Variants in LRRFIP1 observed in about 807,000 individuals in gnomAD.
The protein encoded by LRRFIP1 is LRR binding FLII interacting protein 1.
In LRRFIP1, 62 loss-of-function variants were observed where a neutral mutation model predicts 104.4. The observed-to-expected ratio is 0.59, with a 90% CI of 0.48 to 0.73. The LOEUF (loss-of-function observed/expected upper bound fraction) is 0.73, where lower values mean the gene tolerates loss of function less well. Among genes scored for constraint, LRRFIP1 ranks in the 30% least tolerant of loss-of-function variants. The pLI, the probability that LRRFIP1 is intolerant of heterozygous loss-of-function variation, is 0.00. For synonymous variants in LRRFIP1, 300 were observed against 299.0 expected, an observed-to-expected ratio of 1.00 and a Z score of -0.03; for missense variants, 796 against 824.5, an observed-to-expected ratio of 0.97 and a Z score of 0.42.
intron 11 of LRRFIP1, among the ~76,000 whole-genome samples, chr2:237,743,695 G>T (rs578071472): frequency 2.0e-5 from 3 of 151,692 alleles, no homozygotes; most frequent in Non-Finnish European, 2.9e-5. Flanking sequence ...CTCATGGGAC[G>T]CACAGACAGG....
At position 237,712,702 on chromosome 2, in the gene LRRFIP1, CAG is replaced by C. The variant is rs3835814; in HGVS notation, c.184-1554_184-1553del. Among the ~76,000 whole-genome samples, 429 of 152,248 alleles carry C rather than the reference CAG, an allele frequency of 2.8e-3. 9 individuals carry two copies. In the East Asian group the frequency reaches 0.047, roughly 17 times the overall value. On this transcript the variant is annotated intron_variant, in intron 2 of 23. Coordinates refer to ENST00000308482, the MANE Select transcript of LRRFIP1 (RefSeq NM_001137550.2). ...ACACGTGAGCATCTGTGTATGCATC[CAG>C]AGGGAAGAGTGAGTCGAGCTAGTGG... is the stretch of plus-strand genomic sequence containing the variant.
intron 1 of LRRFIP1, among the ~76,000 whole-genome samples, chr2:237,683,759 G>C (rs752833371): frequency 6.6e-6 from 1 of 152,168 alleles, no homozygotes; most frequent in Non-Finnish European, 1.5e-5. Context: ...TAGGATTTCT[G>C]TACCTTCAGC....
At chr2:237,762,474 A>G (rs734388) in intron 19 of LRRFIP1, 215,426 of 784,882 alleles carry the variant, frequency 0.27, 32,107 homozygotes, top group East Asian at 0.56. Context: ...CTTGTTTCTC[A>G]TGACTCTTTG....
chr2:237,763,083 T>C (rs2060031620), intron 19 of LRRFIP1: 1 of 1,614,180 alleles, frequency 6.2e-7, no homozygotes, highest in East Asian at 2.2e-5. Context: ...GACAAATGTA[T>C]GGTAGAGGTC....
At chr2:237,650,932 C>T (rs2085835479) in intron 1 of LRRFIP1, among the ~76,000 whole-genome samples, 1 of 152,144 alleles carries the variant, frequency 6.6e-6, no homozygotes, top group Admixed American at 6.5e-5. Context: ...CTCTGCTGGG[C>T]ACTCGGCCCT....
intron 22 of LRRFIP1, among the ~76,000 whole-genome samples, chr2:237,773,421 T>C (rs547190835): frequency 6.6e-6 from 1 of 152,096 alleles, no homozygotes; most frequent in African/African-American, 2.4e-5. Context: ...GCCTGTAATC[T>C]CAGCTACTCA....
rs750963656 is a variant in LRRFIP1 at position 237,779,553 on chromosome 2, A to G, written c.*21A>G. The G allele has an allele frequency of 1.3e-6, 2 of 1,588,138 alleles. No homozygotes were observed. The highest frequency in any genetic ancestry group is 1.7e-6 in the Non-Finnish European group (2 of 1,157,270). On this transcript the variant is annotated 3_prime_UTR_variant, in exon 24 of 24. Coordinates refer to ENST00000308482, the MANE Select transcript of LRRFIP1 (RefSeq NM_001137550.2). ...AGTAAATTCCAGCTCTGATCAGGCA[A>G]CTGGTTGGTGACTGGAGAGCATTGT...
chr2:237,741,428 A>T (rs2095411290), intron 11 of LRRFIP1, among the ~76,000 whole-genome samples: 1 of 152,264 alleles, frequency 6.6e-6, no homozygotes, highest in Non-Finnish European at 1.5e-5. Flanking sequence ...AGCAATAAAC[A>T]TAAGCTGACT....
intron 1 of LRRFIP1, among the ~76,000 whole-genome samples, chr2:237,693,088 A>G (rs1412533882): frequency 6.6e-6 from 1 of 152,240 alleles, no homozygotes; most frequent in Non-Finnish European, 1.5e-5. Flanking sequence ...GTCCAGCTCA[A>G]TATGCAGTCG....
At chr2:237,687,460 T>TG (rs1361317756) in intron 1 of LRRFIP1, among the ~76,000 whole-genome samples, 1 of 151,808 alleles carries the variant, frequency 6.6e-6, no homozygotes, top group African/African-American at 2.4e-5. Context: ...CAAAACTAGC[T>TG]GGGCGTGGTG....
Position 237,746,418 on chromosome 2 carries a change from A to G in LRRFIP1, c.634-1946A>G, listed in dbSNP as rs959961748. On this transcript the variant is annotated intron_variant, in intron 11 of 23. Transcript: ENST00000308482. ...TTTTTCTTTCCATGTGAAGTTGAGAACCACACTTGAATTGCTCCAATCATC... is the reference window on the plus strand; with the variant it reads ...TTTTTCTTTCCATGTGAAGTTGAGAGCCACACTTGAATTGCTCCAATCATC... Among the ~76,000 whole-genome samples, 15 of 152,188 alleles carry G rather than the reference A, an allele frequency of 9.9e-5. No individual in the cohort carries two copies. The East Asian group carries it at 2.9e-3, about 29-fold the overall frequency.
intron 1 of LRRFIP1, among the ~76,000 whole-genome samples, chr2:237,660,603 C>T (rs2087722683): frequency 6.6e-6 from 1 of 152,244 alleles, no homozygotes; most frequent in South Asian, 2.1e-4. Flanking sequence ...TGCACCTCTA[C>T]TCCCATGATA....
In LRRFIP1 at chr2:237,759,421, C is replaced by A. The variant is rs182207519; in HGVS notation, c.1317+600C>A. 2.2e-3 allele frequency among the ~76,000 whole-genome samples: 338 copies of A among 152,304 alleles called. 3 individuals are homozygous for A. The highest frequency in any genetic ancestry group is 7.4e-3 in the African/African-American group (307 of 41,556). Reference sequence around the variant, plus strand: ...AAAGCCAGAGCAGTGAGCCAGCCAGCTACAGGCTTAGAGCTAAGATTCGTA... The same window carrying A: ...AAAGCCAGAGCAGTGAGCCAGCCAGATACAGGCTTAGAGCTAAGATTCGTA... On this transcript the variant is annotated intron_variant, in intron 18 of 23. Coordinates refer to ENST00000308482, the MANE Select transcript of LRRFIP1 (RefSeq NM_001137550.2).
At chr2:237,656,381 A>G (rs998822124) in intron 1 of LRRFIP1, among the ~76,000 whole-genome samples, 1 of 152,240 alleles carries the variant, frequency 6.6e-6, no homozygotes, top group African/African-American at 2.4e-5. Flanking sequence ...ATATATCCAA[A>G]TCATATGTAT....
In LRRFIP1 at chr2:237,712,982, G is replaced by C. The variant is rs565547988; in HGVS notation, c.184-1277G>C. 2.6e-5 allele frequency among the ~76,000 whole-genome samples: 4 copies of C among 152,308 alleles called. No individual in the cohort carries two copies. In the South Asian group the frequency reaches 8.3e-4, roughly 32 times the overall value. On this transcript the variant is annotated intron_variant, in intron 2 of 23. Transcript: ENST00000308482. ...GGGTTGATACTTTGGTGTAAAAATT[G>C]AGAAACCTGATCCCTGTTTTCATCG...
At chr2:237,764,235 TAGAG>T (rs2060126614) in intron 19 of LRRFIP1, 1 of 1,610,600 alleles carries the variant, frequency 6.2e-7, no homozygotes, top group Non-Finnish European at 8.5e-7. Flanking sequence ...TCTAAATTCA[TAGAG>T]AGGCACTGTA....
chr2:237,771,660 C>T (rs1488451938), intron 20 of LRRFIP1, among the ~76,000 whole-genome samples: 3 of 151,108 alleles, frequency 2.0e-5, no homozygotes, highest in East Asian at 2.0e-4. Flanking sequence ...GGCAAACCGC[C>T]TCTGAACACA....
chr2:237,763,037 C>T, intron 19 of LRRFIP1: 8 of 1,614,094 alleles, frequency 5.0e-6, no homozygotes, highest in Non-Finnish European at 6.8e-6. Context: ...GGCCTCGTGT[C>T]CTTTAGGGCA....
intron 15 of LRRFIP1, 40 bp downstream of exon 15, chr2:237,753,519 C>T (rs750606963): frequency 1.0e-5 from 15 of 1,486,004 alleles, no homozygotes; most frequent in South Asian, 2.7e-5. Context: ...CAATAGGCTG[C>T]GTGCAGTGGC....
Sources: allele counts gnomAD v4.1 joint callset (sites outside exome capture counted in the v4.1 genomes callset), GRCh38; gene constraint gnomAD v4.1.1; transcripts MANE v1.5; gene names NCBI Gene and HGNC (gene_info 2026-07-23, HGNC 2026-07-21).